SYTL3: variants seen among roughly 807,000 people sequenced by gnomAD.
SYTL3 encodes the protein synaptotagmin-like protein 3.
Under a neutral mutation model 82.1 loss-of-function variants are expected in SYTL3, and 88 were observed. The ratio of observed to expected loss-of-function variants is 1.07; its 90% CI spans 0.90 to 1.28. The LOEUF (loss-of-function observed/expected upper bound fraction) is 1.28. Ranked by LOEUF, SYTL3 falls within the 50% of genes most tolerant of loss-of-function variation. The pLI, the probability that SYTL3 is intolerant of heterozygous loss-of-function variation, is 0.00. For synonymous variants in SYTL3, 311 were observed against 289.4 expected (o/e 1.07, Z -0.76); for missense variants, 831 against 757.6 (o/e 1.10, Z -1.14).
chr6:158,763,200 A>C (rs904438483), intron 16 of SYTL3, 104 bp from the exon 17 acceptor site: 15 of 1,085,556 alleles, frequency 1.4e-5, no homozygotes, highest in Middle Eastern at 2.9e-4. Context: ...GATGTTGTGG[A>C]CTTGGCACTT....
At chr6:158,680,590 A>C (rs1284339775) in intron 5 of SYTL3, among the ~76,000 whole-genome samples, 12 of 151,422 alleles carry the variant, frequency 7.9e-5, no homozygotes, top group South Asian at 4.2e-4. Flanking sequence ...AAAAAAAAAA[A>C]AAAACACAAA....
At chr6:158,732,125 T>C (rs955802637) in intron 11 of SYTL3, among the ~76,000 whole-genome samples, 7 of 152,182 alleles carry the variant, frequency 4.6e-5, no homozygotes, top group Non-Finnish European at 8.8e-5. Flanking sequence ...AAACAAAATC[T>C]CTATGTTCTG....
chr6:158,764,385 A>G, intron 17 of SYTL3, 110 bp from the exon 18 acceptor site: 1 of 751,182 alleles, frequency 1.3e-6, no homozygotes, highest in Non-Finnish European at 2.2e-6. Context: ...TGGCCTTTTA[A>G]TGTGGACTTG....
chr6:158,666,220 T>C (rs1473679690), intron 5 of SYTL3, among the ~76,000 whole-genome samples: 1 of 152,232 alleles, frequency 6.6e-6, no homozygotes, highest in African/African-American at 2.4e-5. Flanking sequence ...GTGGAGTAAA[T>C]TATAATCTAG....
intron 12 of SYTL3, among the ~76,000 whole-genome samples, chr6:158,746,459 ATAT>A (rs775751372): frequency 5.6e-5 from 8 of 142,054 alleles, no homozygotes; most frequent in South Asian, 2.3e-4. Context: ...AATAATAATA[ATAT>A]TATTATTATT....
intron 5 of SYTL3, among the ~76,000 whole-genome samples, chr6:158,675,962 A>T (rs1777983605): frequency 6.6e-6 from 1 of 152,158 alleles, no homozygotes; most frequent in Non-Finnish European, 1.5e-5. Flanking sequence ...GGATAGGAAG[A>T]ATCAATATTG....
intron 11 of SYTL3, among the ~76,000 whole-genome samples, chr6:158,736,425 T>C (rs1786175239): frequency 6.6e-6 from 1 of 152,152 alleles, no homozygotes; most frequent in South Asian, 2.1e-4. Flanking sequence ...CACAGTATTA[T>C]TCTAACTGTA....
intron 6 of SYTL3, among the ~76,000 whole-genome samples, chr6:158,706,465 C>T (rs1333526888): frequency 2.0e-5 from 3 of 152,162 alleles, no homozygotes; most frequent in South Asian, 4.1e-4. Context: ...CCCCAAGCTT[C>T]GGCACAGGAG....
chr6:158,715,183 T>C (rs1286760982), intron 9 of SYTL3, among the ~76,000 whole-genome samples: 1 of 152,164 alleles, frequency 6.6e-6, no homozygotes, highest in East Asian at 1.9e-4. Flanking sequence ...GGGTGGGTGC[T>C]AGTTCACCTT....
At chr6:158,759,765 C>T (rs1432158105) in intron 14 of SYTL3, among the ~76,000 whole-genome samples, 3 of 152,156 alleles carry the variant, frequency 2.0e-5, no homozygotes, top group African/African-American at 7.2e-5. Context: ...AACTCCTGAC[C>T]TCAGGTGATC....
chr6:158,673,586 C>T (rs899954877), intron 5 of SYTL3, among the ~76,000 whole-genome samples: 3 of 150,978 alleles, frequency 2.0e-5, no homozygotes, highest in African/African-American at 2.4e-5. Context: ...ACTACAGGCG[C>T]TGGCCACCAT....
chr6:158,740,870 G>A (rs928515596), intron 11 of SYTL3, among the ~76,000 whole-genome samples: 2 of 152,120 alleles, frequency 1.3e-5, no homozygotes, highest in Non-Finnish European at 2.9e-5. Context: ...AGAGAAATGA[G>A]TTTGTTTATT....
At chr6:158,662,389 A>G (rs1485424229) in intron 3 of SYTL3, among the ~76,000 whole-genome samples, 2 of 152,242 alleles carry the variant, frequency 1.3e-5, no homozygotes, top group African/African-American at 4.8e-5. Flanking sequence ...GTGCTGCTTC[A>G]TACATCCTTA....
Position 158,763,939 on chromosome 6 carries a change from T to C in SYTL3, c.1723+430T>C, listed in dbSNP as rs187871508. Among the ~76,000 whole-genome samples, 17 of 152,050 alleles carry C rather than the reference T, an allele frequency of 1.1e-4. No homozygotes were observed. The East Asian group carries it at 3.3e-3, about 29-fold the overall frequency. On this transcript the variant is annotated intron_variant, in intron 17 of 17. Transcript: ENST00000611299. Reference sequence around the variant, plus strand: ...GCATGGTAGGTGGACAGCCCTCTGCTGTGAGGTTCTGTGCCTGGCACTGCT... The same window carrying C: ...GCATGGTAGGTGGACAGCCCTCTGCCGTGAGGTTCTGTGCCTGGCACTGCT...
rs748580368 is a variant in SYTL3, at chr6:158,745,626, C to T, written c.1002C>T (p.Ala334=). Residue 334 remains alanine (A), a synonymous_variant, in exon 12 of 18, where the codon GCC becomes GCT. Coordinates refer to ENST00000611299, the MANE Select transcript of SYTL3 (RefSeq NM_001242394.2). The part of the protein sequence containing the change: ...EICIKACKNL[A]YGEEKKKKCN... ...GCATCAAGGCCTGTAAGAACCTTGC[C>T]TATGGAGAAGAAAAGAAGAAAAAGT... 3 of 1,604,238 alleles carry T rather than the reference C, an allele frequency of 1.9e-6. No homozygotes were observed. The highest frequency in any genetic ancestry group is 2.2e-5 in the East Asian group (1 of 44,750).
chr6:158,701,038 G>A (rs1781163442), intron 6 of SYTL3, among the ~76,000 whole-genome samples: 1 of 152,240 alleles, frequency 6.6e-6, no homozygotes. Context: ...ATTGATTACA[G>A]TGGAGTCAGA....
intron 10 of SYTL3, among the ~76,000 whole-genome samples, chr6:158,723,105 T>C (rs1392847469): frequency 7.0e-6 from 1 of 143,878 alleles, no homozygotes; most frequent in Non-Finnish European, 1.5e-5. Flanking sequence ...TTTTTTTTTT[T>C]TTTTTTTGAG....
chr6:158,722,143 CTTTT>C lies in SYTL3; in HGVS notation c.721-3356_721-3353del, dbSNP rs898656387. Among the ~76,000 whole-genome samples the C allele has an allele frequency of 5.7e-5, 8 of 140,230 alleles. No homozygotes were observed. The East Asian group carries it at 5.9e-4, about 10-fold the overall frequency. 92.0% of individuals were successfully genotyped at this position (140,230 alleles called of 152,430 possible). On this transcript the variant is annotated intron_variant, in intron 10 of 17. Coordinates refer to ENST00000611299, the MANE Select transcript of SYTL3 (RefSeq NM_001242394.2). ...AGGCACAGAAGTAGTAGATAACTTTCTTTTTTTGTTTGTTTGTTTGTTTGTTTGT... is the reference window on the plus strand; with the variant it reads ...AGGCACAGAAGTAGTAGATAACTTTCTTTGTTTGTTTGTTTGTTTGTTTGT...
At chr6:158,704,651 A>G (rs919630355) in intron 6 of SYTL3, among the ~76,000 whole-genome samples, 5 of 152,246 alleles carry the variant, frequency 3.3e-5, no homozygotes, top group Non-Finnish European at 7.4e-5. Flanking sequence ...GTGACCCCGC[A>G]GGGTGGGGCA....
Sources: allele counts gnomAD v4.1 joint callset (sites outside exome capture counted in the v4.1 genomes callset), GRCh38; gene constraint gnomAD v4.1.1; transcripts MANE v1.5; gene names NCBI Gene and HGNC (gene_info 2026-07-23, HGNC 2026-07-21).